Variants in TBC1D22A observed in about 807,000 individuals in gnomAD.
The protein encoded by TBC1D22A is TBC1 domain family member 22A.
TBC1D22A carries 38 observed loss-of-function variants against 60.2 expected under a neutral mutation model. That is an observed-to-expected ratio of 0.63 (90% CI 0.49 to 0.83). TBC1D22A has a LOEUF of 0.83. TBC1D22A is among the 40% of genes least tolerant of loss of function. The pLI, the probability that TBC1D22A is intolerant of heterozygous loss-of-function variation, is 0.00. For missense variants in TBC1D22A, 628 were observed against 701.0 expected, an observed-to-expected ratio of 0.90 and a Z score of 1.18; for synonymous variants, 302 against 281.7, an observed-to-expected ratio of 1.07 and a Z score of -0.72.
chr22:47,036,228 G>A (rs1046697766), intron 10 of TBC1D22A, among the ~76,000 whole-genome samples: 1 of 152,302 alleles, frequency 6.6e-6, no homozygotes, highest in East Asian at 1.9e-4. Context: ...AATTAGTAAT[G>A]ATTATTTGTT....
chr22:47,013,025 A>G (rs1330830017), intron 10 of TBC1D22A, among the ~76,000 whole-genome samples: 1 of 152,066 alleles, frequency 6.6e-6, no homozygotes, highest in Non-Finnish European at 1.5e-5. Context: ...GGACCGGGAG[A>G]GGGCTCCCTG....
At chr22:47,093,747 C>T (rs963564442) in intron 11 of TBC1D22A, among the ~76,000 whole-genome samples, 4 of 152,130 alleles carry the variant, frequency 2.6e-5, no homozygotes, top group African/African-American at 7.2e-5. Flanking sequence ...TTAATTTATA[C>T]GTCAACTTGG....
chr22:47,103,037 C>G (rs933592879), intron 11 of TBC1D22A, among the ~76,000 whole-genome samples: 2 of 152,152 alleles, frequency 1.3e-5, no homozygotes, highest in East Asian at 3.8e-4. Context: ...ATTTCTTCCC[C>G]CCTCTCCCAA....
At chr22:46,763,945 T>C (rs1353571447) in intron 1 of TBC1D22A, 1 of 152,112 alleles carries the variant, frequency 6.6e-6, no homozygotes, top group Non-Finnish European at 1.5e-5. Context: ...AAATACAAAA[T>C]TAGCTGGGCA....
intron 4 of TBC1D22A, among the ~76,000 whole-genome samples, chr22:46,835,685 C>G (rs1202659137): frequency 6.6e-6 from 1 of 152,012 alleles, no homozygotes; most frequent in Non-Finnish European, 1.5e-5. Context: ...GAAATAAGAA[C>G]AAAAAATGTC....
At chr22:46,982,873 G>A (rs1338264036) in intron 9 of TBC1D22A, among the ~76,000 whole-genome samples, 1 of 152,184 alleles carries the variant, frequency 6.6e-6, no homozygotes, top group South Asian at 2.1e-4. Context: ...CGGTGGCAGC[G>A]GTGGGGCGCC....
intron 8 of TBC1D22A, among the ~76,000 whole-genome samples, chr22:46,932,633 G>T (rs1047653354): frequency 2.0e-5 from 3 of 152,046 alleles, no homozygotes; most frequent in Non-Finnish European, 4.4e-5. Context: ...GTGGCAAGGG[G>T]CGATCGCGGT....
chr22:46,904,109 A>ATCTGTCTGTCTGTCTGTCTGTTTG (rs1176935651), intron 7 of TBC1D22A, among the ~76,000 whole-genome samples: 1 of 65,616 alleles, frequency 1.5e-5, no homozygotes, highest in Non-Finnish European at 3.0e-5. Context: ...CTATCTATCT[A>ATCTGTCTGTCTGTCTGTCTGTTTG]TCTATCTATC....
rs117425910 is a variant in TBC1D22A at position 46,797,775 on chromosome 22, C to A, written c.637+155C>A. Reference sequence around the variant, plus strand: ...AGGTGATGTTTTCATGTAATATTTTCAAGTCAGTCACTAAGGTAGTAGCAA... The same window carrying A: ...AGGTGATGTTTTCATGTAATATTTTAAAGTCAGTCACTAAGGTAGTAGCAA... On this transcript the variant is annotated intron_variant, in intron 4 of 12. Transcript: ENST00000337137. Among the ~76,000 whole-genome samples, 138 of 152,366 alleles carry A rather than the reference C, an allele frequency of 9.1e-4. 11 individuals are homozygous for A. The East Asian group carries it at 0.026, about 29-fold the overall frequency.
At chr22:46,959,170 G>A (rs188879168) in intron 8 of TBC1D22A, among the ~76,000 whole-genome samples, 1 of 152,090 alleles carries the variant, frequency 6.6e-6, no homozygotes, top group African/African-American at 2.4e-5. Context: ...TGTGTTTTCC[G>A]TTCTACCCAA....
intron 8 of TBC1D22A, among the ~76,000 whole-genome samples, chr22:46,919,692 T>C (rs1327114990): frequency 2.7e-5 from 4 of 150,688 alleles, no homozygotes; most frequent in Non-Finnish European, 4.4e-5. Context: ...TGCAGGAGTG[T>C]GTCCACATCC....
chr22:47,036,894 G>A (rs1009868094), intron 10 of TBC1D22A, among the ~76,000 whole-genome samples, 177 bp from the exon 11 acceptor site: 5 of 152,230 alleles, frequency 3.3e-5, no homozygotes, highest in Admixed American at 2.6e-4. Flanking sequence ...GGAAGGGAGA[G>A]CTGTAGTCTC....
At chr22:46,917,562 G>A (rs1261954337) in intron 8 of TBC1D22A, among the ~76,000 whole-genome samples, 1 of 152,184 alleles carries the variant, frequency 6.6e-6, no homozygotes, top group Non-Finnish European at 1.5e-5. Flanking sequence ...AGAAAGAGCG[G>A]GTTGAGGAGG....
Position 47,037,126 on chromosome 22 carries a change from C to T in TBC1D22A, c.1257C>T (p.Phe419=). Residue 419 remains phenylalanine (F), a synonymous_variant, in exon 11 of 13, where the codon TTC becomes TTT. Transcript: ENST00000337137. ...AAGTGAGATACCTGCAGTTTGCCTT[C>T]CGCTGGATGAACAACCTGCTGATGA... ...QHEVRYLQFA[F]RWMNNLLMRE... The T allele has an allele frequency of 6.2e-7, 1 of 1,614,002 alleles. No homozygotes were observed. Among genetic ancestry groups the T allele is most frequent in the Non-Finnish European group, 8.5e-7 (1 of 1,179,932 alleles).
At chr22:47,097,412 G>A (rs1053237299) in intron 11 of TBC1D22A, among the ~76,000 whole-genome samples, 11 of 152,080 alleles carry the variant, frequency 7.2e-5, no homozygotes, top group East Asian at 5.8e-4. Context: ...TCAGGAGATC[G>A]AGACCAGCCT....
intron 9 of TBC1D22A, 90 bp from the exon 10 acceptor site, chr22:46,997,544 C>A: frequency 2.1e-6 from 2 of 968,218 alleles, no homozygotes; most frequent in Non-Finnish European, 3.2e-6. Flanking sequence ...TATTATAAAG[C>A]TGTTCACTTT....
chr22:46,913,446 A>G (rs751083263), intron 8 of TBC1D22A: 3 of 1,361,052 alleles, frequency 2.2e-6, no homozygotes, highest in South Asian at 1.2e-5. Flanking sequence ...GACATATCCA[A>G]GTAGTGAATT....
chr22:46,790,246 C>G (rs951585544), intron 1 of TBC1D22A, among the ~76,000 whole-genome samples: 2 of 152,258 alleles, frequency 1.3e-5, no homozygotes, highest in African/African-American at 4.8e-5. Context: ...CCCCCTTTCT[C>G]CACGTACAGA....
chr22:46,952,917 G>C (rs564870702), intron 8 of TBC1D22A, among the ~76,000 whole-genome samples: 23 of 152,300 alleles, frequency 1.5e-4, no homozygotes, highest in Middle Eastern at 3.4e-3. Context: ...CTTTCACCAG[G>C]TCTGATCCGA....
Sources: allele counts gnomAD v4.1 joint callset (sites outside exome capture counted in the v4.1 genomes callset), GRCh38; gene constraint gnomAD v4.1.1; transcripts MANE v1.5; gene names NCBI Gene and HGNC (gene_info 2026-07-23, HGNC 2026-07-21).